Variants in ADGRB3 observed in about 807,000 individuals in gnomAD.
The protein encoded by ADGRB3 is adhesion G protein-coupled receptor B3.
ADGRB3 carries 37 observed loss-of-function variants against 193.4 expected under a neutral mutation model. That is an observed-to-expected ratio of 0.19 (90% confidence interval 0.15 to 0.25). ADGRB3 has a LOEUF of 0.25. Ranked by LOEUF, ADGRB3 falls within the 10% of genes least tolerant of loss-of-function variation. The probability of loss-of-function intolerance (pLI) is 1.00; values close to 1 mark genes in which losing one functional copy is unlikely to be tolerated. For synonymous variants in ADGRB3, 690 were observed against 644.2 expected, an observed-to-expected ratio of 1.07 and a Z score of -1.08; for missense variants, 1,637 against 1,852.9, an observed-to-expected ratio of 0.88 and a Z score of 2.14.
rs148257863 is a variant in ADGRB3 at position 68,683,663 on chromosome 6, C to T, written c.757+44231C>T. On this transcript the variant is annotated intron_variant, in intron 3 of 31. Coordinates refer to ENST00000370598, the MANE Select transcript of ADGRB3 (RefSeq NM_001704.3). ...TTTTGTGGCCTATGAGCTGAGATTG[C>T]GTCAATATTGCCAGGTCTTTGGCTT... 4.3e-4 allele frequency among the ~76,000 whole-genome samples: 65 copies of T among 152,214 alleles called. 1 individual carries two copies. Among genetic ancestry groups the T allele is most frequent in the African/African-American group, 1.4e-3 (60 of 41,534 alleles).
chr6:68,936,617 G>A lies in ADGRB3; in HGVS notation c.967G>A (p.Gly323Arg), dbSNP rs754128610. The A allele has an allele frequency of 7.4e-6, 12 of 1,613,872 alleles. No homozygotes were observed. Among genetic ancestry groups the A allele is most frequent in the Non-Finnish European group, 1.0e-5 (12 of 1,179,952 alleles). Residue 323 changes from glycine (G) to arginine (R), a missense_variant, in exon 5 of 32, where the codon GGG (glycine) becomes AGG (arginine). By Grantham distance (125) the Gly-to-Arg change is moderately radical. This residue lies in a region of ADGRB3 where 365 missense variants were observed against 409.8 expected (regional missense o/e 0.89). Transcript: ENST00000370598. ...VRTRTCVSPY[G>R]THCSGPLRES... The stretch of plus-strand genomic sequence containing the variant: ...AACCAGAACTTGTGTATCACCTTAC[G>A]GGACACACTGCAGCGGCCCATTAAG...
chr6:68,876,105 T>A (rs1270054136), intron 3 of ADGRB3, among the ~76,000 whole-genome samples: 2 of 152,152 alleles, frequency 1.3e-5, no homozygotes, highest in Non-Finnish European at 2.9e-5. Flanking sequence ...ACTTATTCAA[T>A]CAATAAATAT....
At chr6:68,862,468 C>G (rs1015301847) in intron 3 of ADGRB3, among the ~76,000 whole-genome samples, 1 of 152,158 alleles carries the variant, frequency 6.6e-6, no homozygotes, top group African/African-American at 2.4e-5. Context: ...GTGGTACAGA[C>G]TCTTCACAAA....
chr6:69,018,007 T>G (rs1770145668), intron 12 of ADGRB3, among the ~76,000 whole-genome samples: 1 of 151,974 alleles, frequency 6.6e-6, no homozygotes, highest in South Asian at 2.1e-4. Flanking sequence ...TAACTCTTTT[T>G]CCTCTTGTGT....
intron 12 of ADGRB3, 118 bp downstream of exon 12, chr6:69,014,224 A>G (rs773254381): frequency 3.1e-6 from 2 of 640,670 alleles, no homozygotes; most frequent in Admixed American, 3.4e-5. Context: ...AGTCTAGGTT[A>G]TATCCTAGTA....
intron 3 of ADGRB3, among the ~76,000 whole-genome samples, chr6:68,867,503 G>T (rs185827420): frequency 9.9e-4 from 151 of 152,292 alleles, no homozygotes; most frequent in Admixed American, 7.7e-3. Flanking sequence ...AGGAAATGTG[G>T]GGTTGGAGCC....
rs76829663 is a variant in ADGRB3, at chr6:68,956,772, C to T, written c.1488C>T (p.Gly496=). Residue 496 remains glycine, a synonymous_variant, in exon 8 of 32, where the codon GGC becomes GGT. Transcript: ENST00000370598. The part of the protein sequence containing the change: ...VITGQQCEGT[G]EEVRRCNEQR... ...CAGGGCAGCAATGTGAAGGAACGGGCGAAGAAGTGAGAAGATGCAATGAGC... is the reference window on the plus strand; with the variant it reads ...CAGGGCAGCAATGTGAAGGAACGGGTGAAGAAGTGAGAAGATGCAATGAGC... The T allele has an allele frequency of 2.8e-5, 45 of 1,613,204 alleles. No homozygotes were observed. Among genetic ancestry groups the T allele is most frequent in the East Asian group, 1.3e-4 (6 of 44,820 alleles).
At chr6:69,105,890 T>C (rs751932123) in intron 17 of ADGRB3, among the ~76,000 whole-genome samples, 32 of 152,006 alleles carry the variant, frequency 2.1e-4, no homozygotes, top group Non-Finnish European at 4.0e-4. Context: ...ATCCCAGCAT[T>C]TTGGGAGGCC....
chr6:69,179,934 C>A (rs1775535817), intron 17 of ADGRB3, among the ~76,000 whole-genome samples: 1 of 152,192 alleles, frequency 6.6e-6, no homozygotes, highest in Non-Finnish European at 1.5e-5. Flanking sequence ...ATGAAGTGCA[C>A]TGTGGTCTGA....
chr6:68,661,085 G>A (rs77088610), intron 3 of ADGRB3, among the ~76,000 whole-genome samples: 9,062 of 149,768 alleles, frequency 0.061, 375 homozygotes, highest in East Asian at 0.17. Context: ...ATGTTTTTTG[G>A]ACCTTAATTT....
chr6:68,637,361 A>C (rs1245066750), intron 1 of ADGRB3, 30 bp from the exon 2 acceptor site: 2 of 152,680 alleles, frequency 1.3e-5, no homozygotes, highest in Non-Finnish European at 2.9e-5. Context: ...TTAACTATCT[A>C]TATGTCTGTA....
chr6:68,752,191 A>C (rs570313896), intron 3 of ADGRB3, among the ~76,000 whole-genome samples: 1 of 152,160 alleles, frequency 6.6e-6, no homozygotes, highest in Non-Finnish European at 1.5e-5. Context: ...AAATTGAAAT[A>C]TGGAACTTAG....
At chr6:68,717,776 A>G (rs1257106562) in intron 3 of ADGRB3, among the ~76,000 whole-genome samples, 1 of 151,724 alleles carries the variant, frequency 6.6e-6, no homozygotes, top group Non-Finnish European at 1.5e-5. Flanking sequence ...AATGTGTCTC[A>G]AGAAAAAAAT....
chr6:68,998,662 C>T (rs1769465863), intron 11 of ADGRB3, among the ~76,000 whole-genome samples: 1 of 152,020 alleles, frequency 6.6e-6, no homozygotes, highest in Non-Finnish European at 1.5e-5. Flanking sequence ...TATATGATAC[C>T]CATTGTTTAT....
At chr6:68,951,684 G>A (rs1767924276) in intron 6 of ADGRB3, among the ~76,000 whole-genome samples, 1 of 152,170 alleles carries the variant, frequency 6.6e-6, no homozygotes, top group South Asian at 2.1e-4. Context: ...GCTGAGATGT[G>A]AATCAGTTTT....
chr6:69,192,891 C>T (rs1765222844), intron 17 of ADGRB3, among the ~76,000 whole-genome samples: 1 of 152,064 alleles, frequency 6.6e-6, no homozygotes, highest in African/African-American at 2.4e-5. Context: ...CACTATTTTT[C>T]ACTGCTGACT....
At chr6:68,858,107 G>C (rs1053666311) in intron 3 of ADGRB3, among the ~76,000 whole-genome samples, 6 of 152,112 alleles carry the variant, frequency 3.9e-5, no homozygotes, top group Non-Finnish European at 8.8e-5. Context: ...AAATTGCCAA[G>C]TTTTTGGTAT....
At chr6:68,982,661 C>T (rs536829122) in intron 10 of ADGRB3, among the ~76,000 whole-genome samples, 2 of 152,130 alleles carry the variant, frequency 1.3e-5, no homozygotes, top group Non-Finnish European at 2.9e-5. Context: ...GGGAAAATTG[C>T]AATTCTGCAT....
chr6:68,885,328 G>A (rs566372473), intron 3 of ADGRB3, among the ~76,000 whole-genome samples: 1 of 152,050 alleles, frequency 6.6e-6, no homozygotes, highest in East Asian at 1.9e-4. Context: ...ACCTTCTCCA[G>A]GTTAATTTTT....
Sources: allele counts gnomAD v4.1 joint callset (sites outside exome capture counted in the v4.1 genomes callset), GRCh38; gene constraint gnomAD v4.1.1; regional missense constraint gnomAD v4.1.1; transcripts MANE v1.5; gene names NCBI Gene and HGNC (gene_info 2026-07-23, HGNC 2026-07-21).